Variants in UPF3B observed in about 807,000 individuals in gnomAD.
UPF3B encodes regulator of nonsense transcripts 3B.
In UPF3B, 7 loss-of-function variants were observed where a neutral mutation model predicts 40.3. That is an observed-to-expected ratio of 0.17 (90% CI 0.10 to 0.33). The LOEUF is 0.33. Among genes scored for constraint, UPF3B ranks in the 10% least tolerant of loss-of-function variants. The pLI is 1.00. For synonymous variants in UPF3B, 117 were observed against 117.3 expected (o/e 1.00, Z 0.01); for missense variants, 229 against 358.9 (o/e 0.64, Z 2.93).
At chrX:119,839,918 A>AT (rs774668829) in intron 8 of UPF3B, among the ~76,000 whole-genome samples, 2 of 111,813 alleles carry the variant, frequency 1.8e-5, no homozygotes, top group South Asian at 7.5e-4. Flanking sequence ...CACTTGTGGC[A>AT]TAGCAGACAG....
intron 4 of UPF3B, among the ~76,000 whole-genome samples, chrX:119,822,534 T>C (rs1847127700): frequency 8.9e-6 from 1 of 112,664 alleles, no homozygotes; most frequent in Non-Finnish European, 1.9e-5. Context: ...GTACTTCCAA[T>C]TCTGAACCTC....
At chrX:119,851,383 G>T in intron 3 of UPF3B, 112 bp downstream of exon 3, 4 of 555,397 alleles carry the variant, frequency 7.2e-6, no homozygotes, top group Non-Finnish European at 1.3e-5. Context: ...TTATAAGACT[G>T]CAATAAGCTT....
At position 119,843,271 on chromosome X, in the gene UPF3B, T is replaced by A. The variant is rs1323665982; in HGVS notation, c.500A>T (p.Tyr167Phe). 1 of 1,201,827 alleles carries A rather than the reference T, an allele frequency of 8.3e-7. No homozygotes were observed. The highest frequency in any genetic ancestry group is 1.1e-6 in the Non-Finnish European group (1 of 887,725). The change falls in exon 5 of 11, where the codon TAT becomes TTT. Residue 167 changes from tyrosine to phenylalanine, a missense_variant. Transcript: ENST00000276201. ...DPEYRKFLESYATDNEKMTST... is the reference protein window; with the variant it reads ...DPEYRKFLESFATDNEKMTST... ...TGTCATTTTCTCATTATCTGTGGCA[T>A]AACTTTCCAAAAACTTTCTATATTC...
intron 3 of UPF3B, among the ~76,000 whole-genome samples, chrX:119,845,642 GAGT>G (rs777384139): frequency 3.6e-3 from 398 of 112,088 alleles, no homozygotes; most frequent in Non-Finnish European, 5.9e-3. Flanking sequence ...ACAGAACGTA[GAGT>G]AGTAGCTGCC....
At position 119,841,261 on chromosome X, in the gene UPF3B, A is replaced by G. The variant is rs200921639; in HGVS notation, c.625-3T>C. 9 of 1,198,194 alleles carry G rather than the reference A, an allele frequency of 7.5e-6. No homozygotes were observed. The highest frequency in any genetic ancestry group is 2.2e-5 in the Admixed American group (1 of 45,274). ...TCTCTCTTTTCTTCTCTCATTCTCTAGAAAGAAACATCAACACAAGCCTTC... is the reference window on the plus strand; with the variant it reads ...TCTCTCTTTTCTTCTCTCATTCTCTGGAAAGAAACATCAACACAAGCCTTC... On this transcript the variant is annotated splice_polypyrimidine_tract_variant and splice_region_variant and intron_variant, in intron 6 of 10. Coordinates refer to ENST00000276201, the MANE Select transcript of UPF3B (RefSeq NM_080632.3).
chrX:119,827,792 G>A (rs1238295378), intron 3 of UPF3B, among the ~76,000 whole-genome samples: 2 of 110,668 alleles, frequency 1.8e-5, no homozygotes, highest in African/African-American at 6.6e-5. Flanking sequence ...GAGTGCAGCA[G>A]TGCGATCTGA....
chrX:119,817,115 G>A (rs1003858945), intron 4 of UPF3B, among the ~76,000 whole-genome samples: 1 of 111,037 alleles, frequency 9.0e-6, no homozygotes, highest in Non-Finnish European at 1.9e-5. Context: ...AATTACAGGC[G>A]GGCATAAGCA....
rs1180872081 is a variant in UPF3B at position 119,838,057 on chromosome X, T to C, written c.1008-6A>G. On this transcript the variant is annotated splice_region_variant and splice_polypyrimidine_tract_variant and intron_variant, in intron 9 of 10. Coordinates refer to ENST00000276201, the MANE Select transcript of UPF3B (RefSeq NM_080632.3). Reference sequence around the variant, plus strand: ...TGCCGCTCTCATCTTCAGGTCTGCATGAAAAACAAATCTGAGACAGAACCC... The same window carrying C: ...TGCCGCTCTCATCTTCAGGTCTGCACGAAAAACAAATCTGAGACAGAACCC... The C allele has an allele frequency of 1.7e-6, 2 of 1,208,240 alleles. No homozygotes were observed. The highest frequency in any genetic ancestry group is 2.2e-6 in the Non-Finnish European group (2 of 894,973).
intron 3 of UPF3B, among the ~76,000 whole-genome samples, chrX:119,825,267 G>A (rs1603367698): frequency 9.0e-6 from 1 of 111,267 alleles, no homozygotes; most frequent in Non-Finnish European, 1.9e-5. Context: ...GGTGAAGTGC[G>A]AACATAGGAA....
At chrX:119,808,818 T>C (rs28716252) in intron 5 of UPF3B, among the ~76,000 whole-genome samples, 6 of 112,566 alleles carry the variant, frequency 5.3e-5, no homozygotes, top group Non-Finnish European at 1.1e-4. Context: ...CTAACCTCTA[T>C]CTTGGCTTCC....
chrX:119,810,633 G>A (rs1388470629), intron 5 of UPF3B, among the ~76,000 whole-genome samples: 1 of 111,854 alleles, frequency 8.9e-6, no homozygotes, highest in East Asian at 2.8e-4. Flanking sequence ...AAAATGCCCA[G>A]GAAAACTTCA....
intron 5 of UPF3B, among the ~76,000 whole-genome samples, chrX:119,842,975 T>A (rs150270305): frequency 1.8e-5 from 2 of 112,434 alleles, no homozygotes; most frequent in Non-Finnish European, 3.8e-5. Flanking sequence ...TGTATTTATA[T>A]TACATTTGTG....
In UPF3B at chrX:119,834,921, T is replaced by G; in HGVS notation, c.1409A>C (p.Gln470Pro). ...KSGDSAAERK[Q>P]ESGISHRKEG... is the part of the protein sequence containing the mutation. Reference sequence around the variant, plus strand: ...TTTTCTATGGCTAATACCACTTTCCTGCTTCCTTTCTGCTGCTGAATCTCC... The same window carrying G: ...TTTTCTATGGCTAATACCACTTTCCGGCTTCCTTTCTGCTGCTGAATCTCC... Residue 470 changes from glutamine (Q) to proline (P), a missense_variant, in exon 11 of 11, where the codon CAG becomes CCG. Coordinates refer to ENST00000276201, the MANE Select transcript of UPF3B (RefSeq NM_080632.3). 8.3e-7 allele frequency: 1 copy of G among 1,212,028 alleles called. No individual in the cohort carries two copies. Among genetic ancestry groups the G allele is most frequent in the Non-Finnish European group, 1.1e-6 (1 of 895,638 alleles).
intron 3 of UPF3B, among the ~76,000 whole-genome samples, chrX:119,846,184 A>C (rs901373528): frequency 2.7e-5 from 3 of 110,013 alleles, no homozygotes; most frequent in Non-Finnish European, 5.7e-5. Context: ...AAATACAAAA[A>C]TTAGCTGGGC....
intron 4 of UPF3B, among the ~76,000 whole-genome samples, chrX:119,822,545 C>T (rs2055932190): frequency 8.9e-6 from 1 of 112,277 alleles, no homozygotes; most frequent in African/African-American, 3.2e-5. Context: ...TCTGAACCTC[C>T]GACCAGATTC....
At chrX:119,813,369 G>A (rs2055839399) in intron 5 of UPF3B, among the ~76,000 whole-genome samples, 1 of 109,137 alleles carries the variant, frequency 9.2e-6, no homozygotes, top group Admixed American at 1.0e-4. Flanking sequence ...AGAGCTGGTT[G>A]TTGTAAAGTG....
chrX:119,850,941 C>G (rs2056296238), intron 3 of UPF3B, among the ~76,000 whole-genome samples: 2 of 111,613 alleles, frequency 1.8e-5, no homozygotes, highest in Admixed American at 1.9e-4. Context: ...GGGGTTTCAC[C>G]ACGTTGGCCA....
rs2055923887 is a variant in UPF3B at position 119,821,859 on chromosome X, C to CTTA, written c.494+1080_494+1082dup. 5.4e-5 allele frequency among the ~76,000 whole-genome samples: 6 copies of CTTA among 111,697 alleles called. No homozygotes were observed. The South Asian group carries it at 2.2e-3, about 42-fold the overall frequency. On this transcript the variant is annotated intron_variant, in intron 4 of 6. Transcript: ENST00000636792. ...CTGTTTACTAAAGTTACTCACCACA[C>CTTA]TTAGCTTCATACTTGACTGCTGTTA... is the stretch of plus-strand genomic sequence containing the variant.
At chrX:119,807,045 AAAAAAAGAAAAAAAAAAAAG>A (rs1474165582) in intron 6 of UPF3B, among the ~76,000 whole-genome samples, 1 of 97,168 alleles carries the variant, frequency 1.0e-5, no homozygotes, top group Non-Finnish European at 2.0e-5. Context: ...AAAAAAAAAA[AAAAAAAGAAAAAAAAAAAAG>A]AAAATTCAAC....
Sources: allele counts gnomAD v4.1 joint callset (sites outside exome capture counted in the v4.1 genomes callset), GRCh38; gene constraint gnomAD v4.1.1; transcripts MANE v1.5; gene names NCBI Gene and HGNC (gene_info 2026-07-23, HGNC 2026-07-21).